DYNAP: variants seen among roughly 807,000 people sequenced by gnomAD.
The protein encoded by DYNAP is dynactin-associated protein.
Under a neutral mutation model 8.5 loss-of-function variants are expected in DYNAP, and 7 were observed. The observed-to-expected ratio is 0.82, with a 90% CI of 0.47 to 1.54. The LOEUF (loss-of-function observed/expected upper bound fraction) is 1.54, where lower values mean the gene tolerates loss of function less well. Among genes scored for constraint, DYNAP ranks in the 40% most tolerant of loss-of-function variants. DYNAP has a pLI of 0.01. For synonymous variants in DYNAP, 77 were observed against 77.9 expected, an observed-to-expected ratio of 0.99 and a Z score of 0.06; for missense variants, 256 against 224.3, an observed-to-expected ratio of 1.14 and a Z score of -0.90.
At chr18:54,586,281 A>G (rs565358346), upstream of DYNAP, among the ~76,000 whole-genome samples, 10 of 152,270 alleles carry the variant, frequency 6.6e-5, no homozygotes, top group South Asian at 1.7e-3. Context: ...GATGTTCACA[A>G]AAATAAGGCC....
chr18:54,583,731 A>T (rs1412607491), upstream of DYNAP, among the ~76,000 whole-genome samples: 1 of 152,240 alleles, frequency 6.6e-6, no homozygotes, highest in Non-Finnish European at 1.5e-5. Context: ...CAGCACTGCT[A>T]ATCATGTGTT....
At chr18:54,586,937 C>G (rs1910901534), upstream of DYNAP, among the ~76,000 whole-genome samples, 1 of 152,168 alleles carries the variant, frequency 6.6e-6, no homozygotes, top group African/African-American at 2.4e-5. Context: ...TGTGATCCAG[C>G]AATTAAAGCT....
rs760692753 is a variant in DYNAP at position 54,595,113 on chromosome 18, A to C, written c.222+10A>C. The C allele has an allele frequency of 1.9e-6, 3 of 1,603,368 alleles. No individual in the cohort carries two copies. Among genetic ancestry groups the C allele is most frequent in the South Asian group, 1.1e-5 (1 of 89,370 alleles). On this transcript the variant is annotated intron_variant, in intron 2 of 2. Coordinates refer to ENST00000648945, the MANE Select transcript of DYNAP (RefSeq NM_173629.3). ...ATCCTGTAACACACAGGTAATGTGT[A>C]GCACGGGAGCTTTTATTCAAGTTGG...
chr18:54,591,074 G>T (rs575526371), upstream of DYNAP: 49 of 887,822 alleles, frequency 5.5e-5, no homozygotes, highest in Non-Finnish European at 7.5e-5. Context: ...GTTTTCTTGC[G>T]TCTTTCTGCA....
At chr18:54,595,214 T>A in intron 2 of DYNAP, 111 bp downstream of exon 2, 2 of 1,241,284 alleles carry the variant, frequency 1.6e-6, no homozygotes, top group Non-Finnish European at 2.1e-6. Flanking sequence ...TCATTTATAT[T>A]TGTATTAAGC....
At chr18:54,591,151 C>G (rs1253970239), upstream of DYNAP, 1 of 1,503,766 alleles carries the variant, frequency 6.6e-7, no homozygotes, top group Non-Finnish European at 8.9e-7. Context: ...TTAGTTTAAT[C>G]CACACTTGTA....
chr18:54,590,314 T>TCA (rs1188644060), upstream of DYNAP, among the ~76,000 whole-genome samples: 5 of 152,196 alleles, frequency 3.3e-5, no homozygotes, highest in East Asian at 9.6e-4. Flanking sequence ...TCCTCAAGGT[T>TCA]CATCTGTGTT....
chr18:54,590,983 A>T (rs951662903), upstream of DYNAP, among the ~76,000 whole-genome samples: 2 of 152,180 alleles, frequency 1.3e-5, no homozygotes, highest in South Asian at 4.1e-4. Flanking sequence ...TTCCTGAATG[A>T]TGGGACTAAA....
chr18:54,594,853 G>C, intron 1 of DYNAP, 86 bp from the exon 2 acceptor site: 2 of 1,414,900 alleles, frequency 1.4e-6, no homozygotes, highest in South Asian at 1.4e-5. Context: ...CATACTCTTA[G>C]GTACTTTTGA....
upstream of DYNAP, among the ~76,000 whole-genome samples, chr18:54,588,503 C>A (rs1032812395): frequency 1.3e-5 from 2 of 152,098 alleles, no homozygotes; most frequent in African/African-American, 4.8e-5. Context: ...CCGCGCCCGG[C>A]CTCCAGTTGG....
At chr18:54,594,514 G>C (rs773914799) in intron 1 of DYNAP, among the ~76,000 whole-genome samples, 18 of 152,138 alleles carry the variant, frequency 1.2e-4, no homozygotes, top group African/African-American at 3.1e-4. Context: ...TGTGCTAGCT[G>C]TTGTGTCATG....
Position 54,597,805 on chromosome 18 carries a change from A to T in DYNAP, c.223-8A>T, listed in dbSNP as rs376173684. The T allele has an allele frequency of 6.3e-7, 1 of 1,587,864 alleles. No individual in the cohort carries two copies. Among genetic ancestry groups the T allele is most frequent in the African/African-American group, 1.4e-5 (1 of 74,036 alleles). ...TTTCATTGCTGATATTTTTATATAC[A>T]TGCTTAGGTAAAAGAATATTGCCGC... On this transcript the variant is annotated splice_polypyrimidine_tract_variant and splice_region_variant and intron_variant, in intron 2 of 2. Coordinates refer to ENST00000648945, the MANE Select transcript of DYNAP (RefSeq NM_173629.3).
upstream of DYNAP, among the ~76,000 whole-genome samples, chr18:54,590,556 C>A (rs1051523851): frequency 6.6e-6 from 1 of 152,100 alleles, no homozygotes; most frequent in African/African-American, 2.4e-5. Flanking sequence ...TATTATGGAA[C>A]TTTCTGCACT....
At chr18:54,584,895 A>G (rs1263905659), upstream of DYNAP, among the ~76,000 whole-genome samples, 1 of 152,206 alleles carries the variant, frequency 6.6e-6, no homozygotes, top group Non-Finnish European at 1.5e-5. Flanking sequence ...AAAATAGTGC[A>G]GGATGGGGAT....
chr18:54,591,251 G>T lies in DYNAP; in HGVS notation c.-32G>T, dbSNP rs372257198. 62 of 1,612,492 alleles carry T rather than the reference G, an allele frequency of 3.8e-5. No homozygotes were observed. Among genetic ancestry groups the T allele is most frequent in the Non-Finnish European group, 4.7e-5 (55 of 1,179,154 alleles). On this transcript the variant is annotated 5_prime_UTR_variant, in exon 1 of 3. Transcript: ENST00000648945. ...AATGAACAAATTGAAAAATATTCTT[G>T]GAGAGAAGCTTGTGATACTGGCAGC...
At chr18:54,595,347 G>A (rs1911244656) in intron 2 of DYNAP, among the ~76,000 whole-genome samples, 1 of 152,020 alleles carries the variant, frequency 6.6e-6, no homozygotes, top group Non-Finnish European at 1.5e-5. Context: ...ATCTATAATA[G>A]ATAGAGAACA....
intron 2 of DYNAP, among the ~76,000 whole-genome samples, chr18:54,596,477 T>G (rs1911293635): frequency 6.6e-6 from 1 of 152,120 alleles, no homozygotes; most frequent in African/African-American, 2.4e-5. Context: ...TCAGAAACTC[T>G]GGGGGGTGGG....
chr18:54,583,091 C>T (rs990391237), upstream of DYNAP, among the ~76,000 whole-genome samples: 2 of 152,104 alleles, frequency 1.3e-5, no homozygotes, highest in African/African-American at 4.8e-5. Context: ...TTTCTGGGCA[C>T]ACCTTAGGAA....
At chr18:54,594,427 G>A (rs372527481) in intron 1 of DYNAP, among the ~76,000 whole-genome samples, 4 of 152,238 alleles carry the variant, frequency 2.6e-5, no homozygotes, top group African/African-American at 4.8e-5. Context: ...GCATAGTATG[G>A]CATAGCATAA....
Sources: gnomAD v4.1 joint callset for allele counts (sites outside exome capture counted in the v4.1 genomes callset) on GRCh38, gnomAD v4.1.1 for gene constraint, MANE v1.5 for transcripts, NCBI Gene and HGNC (gene_info 2026-07-23, HGNC 2026-07-21) for gene names.